Variants in WDPCP observed in about 807,000 individuals in gnomAD.
The protein encoded by WDPCP is WD repeat containing planar cell polarity effector.
WDPCP carries 71 observed loss-of-function variants against 93.1 expected under a neutral mutation model. That is an observed-to-expected ratio of 0.76 (90% confidence interval 0.63 to 0.93). The LOEUF is 0.93. WDPCP is among the 40% of genes least tolerant of loss of function. The probability of loss-of-function intolerance (pLI) is 0.00; values close to 1 mark genes in which losing one functional copy is unlikely to be tolerated. For synonymous variants in WDPCP, 315 were observed against 315.0 expected (o/e 1.00, Z 0.00); for missense variants, 844 against 887.4 (o/e 0.95, Z 0.62).
chr2:63,192,060 C>A (rs1574839793), intron 14 of WDPCP, among the ~76,000 whole-genome samples: 1 of 152,152 alleles, frequency 6.6e-6, no homozygotes, highest in African/African-American at 2.4e-5. Context: ...GCTCTCCTTA[C>A]CCCCCTTTAA....
intron 3 of WDPCP, among the ~76,000 whole-genome samples, chr2:63,623,734 A>AGTGG (rs1709775706): frequency 6.6e-6 from 1 of 152,222 alleles, no homozygotes; most frequent in Non-Finnish European, 1.5e-5. Context: ...ACACAATAAT[A>AGTGG]GTGGGAGTCT....
intron 3 of WDPCP, among the ~76,000 whole-genome samples, chr2:63,626,400 C>T (rs1709811705): frequency 6.6e-6 from 1 of 152,114 alleles, no homozygotes. Flanking sequence ...AGTGAACAGG[C>T]AACCTACAGA....
chr2:63,355,680 G>T (rs1689967042), intron 12 of WDPCP, among the ~76,000 whole-genome samples: 1 of 152,106 alleles, frequency 6.6e-6, no homozygotes, highest in African/African-American at 2.4e-5. Flanking sequence ...AGGAATTCAA[G>T]GCCAGCCTGG....
chr2:63,173,207 G>T (rs752120068), intron 15 of WDPCP, among the ~76,000 whole-genome samples: 1 of 151,430 alleles, frequency 6.6e-6, no homozygotes, highest in Non-Finnish European at 1.5e-5. Flanking sequence ...GGTGGGGGTT[G>T]CAGTGAGCTG....
In WDPCP at chr2:63,159,665, T is replaced by C. The variant is rs1456398216; in HGVS notation, c.2079-6091A>G. Among the ~76,000 whole-genome samples, 4 of 152,234 alleles carry C rather than the reference T, an allele frequency of 2.6e-5. No homozygotes were observed. In the East Asian group the frequency reaches 7.7e-4, roughly 29 times the overall value. ...AGTTACAGTGTTCCTCTGTGAGCTA[T>C]GGTATGTCAGTTTACTTTTCAAAGC... is the stretch of plus-strand genomic sequence containing the variant. On this transcript the variant is annotated intron_variant, in intron 15 of 17. Coordinates refer to ENST00000272321, the MANE Select transcript of WDPCP (RefSeq NM_015910.7).
At chr2:63,249,921 C>T (rs973628563) in intron 14 of WDPCP, among the ~76,000 whole-genome samples, 1 of 152,186 alleles carries the variant, frequency 6.6e-6, no homozygotes, top group African/African-American at 2.4e-5. Flanking sequence ...GTAACTTTTG[C>T]AGTTTGAGGT....
intron 2 of WDPCP, among the ~76,000 whole-genome samples, chr2:63,793,931 T>G (rs1379077998): frequency 6.6e-6 from 1 of 151,244 alleles, no homozygotes; most frequent in Non-Finnish European, 1.5e-5. Flanking sequence ...ATTTTTAGAA[T>G]GCAGGCAGGA....
intron 14 of WDPCP, among the ~76,000 whole-genome samples, chr2:63,191,623 A>G (rs1435901177): frequency 3.3e-5 from 5 of 152,144 alleles, no homozygotes; most frequent in African/African-American, 1.2e-4. Flanking sequence ...ACTCCACTTC[A>G]TCCCAGTCCC....
chr2:63,153,015 A>C, intron 16 of WDPCP, 70 bp from the exon 17 acceptor site: 3 of 1,250,250 alleles, frequency 2.4e-6, no homozygotes, highest in Non-Finnish European at 3.5e-6. Context: ...ATTTTTTTAC[A>C]ACACTAAAAA....
intron 16 of WDPCP, chr2:63,153,220 A>G: frequency 1.8e-6 from 1 of 555,090 alleles, no homozygotes; most frequent in Non-Finnish European, 3.2e-6. Context: ...CTTATTAGAA[A>G]TGCAGAGCCA....
At chr2:63,280,771 G>GCTA (rs1355461656) in intron 13 of WDPCP, among the ~76,000 whole-genome samples, 1 of 152,190 alleles carries the variant, frequency 6.6e-6, no homozygotes, top group Non-Finnish European at 1.5e-5. Flanking sequence ...TAATTGGCTA[G>GCTA]CTACATGCAG....
chr2:63,524,068 C>A (rs1046668481), intron 1 of WDPCP, among the ~76,000 whole-genome samples: 1 of 152,122 alleles, frequency 6.6e-6, no homozygotes. Context: ...AGAAGTGGAA[C>A]ACCTCCACAA....
intron 9 of WDPCP, among the ~76,000 whole-genome samples, chr2:63,417,017 C>G (rs1471989624): frequency 6.6e-6 from 1 of 152,128 alleles, no homozygotes; most frequent in Non-Finnish European, 1.5e-5. Context: ...GAAGTTTTCT[C>G]ATCTCTAAAA....
upstream of WDPCP, chr2:63,827,981 C>A (rs1260610921): frequency 6.6e-6 from 1 of 152,130 alleles, no homozygotes; most frequent in East Asian, 1.9e-4. Context: ...ACTAGACATG[C>A]AAGAATTTGA....
chr2:63,532,866 C>A (rs1703969756), intron 1 of WDPCP, among the ~76,000 whole-genome samples: 1 of 152,092 alleles, frequency 6.6e-6, no homozygotes, highest in Admixed American at 6.5e-5. Flanking sequence ...ACAATATTAA[C>A]CTTAAATATA....
At chr2:63,437,374 T>C (rs2105499223) in intron 8 of WDPCP, 47 bp downstream of exon 8, 1 of 1,450,638 alleles carries the variant, frequency 6.9e-7, no homozygotes, top group Non-Finnish European at 9.4e-7. Context: ...GATACTCTCA[T>C]ATACCTTAAT....
chr2:63,391,923 A>G (rs987289058), intron 10 of WDPCP, among the ~76,000 whole-genome samples: 25 of 152,258 alleles, frequency 1.6e-4, no homozygotes, highest in African/African-American at 4.8e-4. Flanking sequence ...ATGCTCATGG[A>G]TAGGAAGAAT....
upstream of WDPCP, chr2:63,588,513 T>A (rs1709042319): frequency 1.6e-6 from 1 of 610,954 alleles, no homozygotes; most frequent in Non-Finnish European, 2.9e-6. Context: ...AATCGTTTTT[T>A]AAAAGATTTT....
At chr2:63,746,826 C>T (rs538877841) in intron 2 of WDPCP, among the ~76,000 whole-genome samples, 7 of 152,268 alleles carry the variant, frequency 4.6e-5, no homozygotes, top group East Asian at 1.9e-4. Flanking sequence ...ATTCTAGTTT[C>T]GCCCTGAACT....
Sources: allele counts gnomAD v4.1 joint callset (sites outside exome capture counted in the v4.1 genomes callset), GRCh38; gene constraint gnomAD v4.1.1; transcripts MANE v1.5; gene names NCBI Gene and HGNC (gene_info 2026-07-23, HGNC 2026-07-21).